Variants in FBXL7 observed in about 807,000 individuals in gnomAD.
FBXL7 encodes F-box/LRR-repeat protein 7.
Under a neutral mutation model 38.3 loss-of-function variants are expected in FBXL7, and 12 were observed. That is an observed-to-expected ratio of 0.31 (90% CI 0.20 to 0.51). FBXL7 has a LOEUF of 0.51. Ranked by LOEUF, FBXL7 falls within the 20% of genes least tolerant of loss-of-function variation. FBXL7 has a pLI of 0.98. For missense variants in FBXL7, 567 were observed against 676.4 expected (o/e 0.84, Z 1.79); for synonymous variants, 297 against 300.9 (o/e 0.99, Z 0.13).
chr5:15,733,414 A>G (rs1018242490), intron 2 of FBXL7, among the ~76,000 whole-genome samples: 3 of 152,212 alleles, frequency 2.0e-5, no homozygotes, highest in African/African-American at 4.8e-5. Context: ...ATGTGAACAC[A>G]ATTACAAGAA....
intron 2 of FBXL7, among the ~76,000 whole-genome samples, chr5:15,650,542 C>T (rs1741673070): frequency 6.6e-6 from 1 of 152,180 alleles, no homozygotes; most frequent in South Asian, 2.1e-4. Flanking sequence ...GTTGACTCTT[C>T]CTTTCAGGAA....
chr5:15,687,964 C>T (rs1176102227), intron 2 of FBXL7, among the ~76,000 whole-genome samples: 1 of 152,188 alleles, frequency 6.6e-6, no homozygotes, highest in African/African-American at 2.4e-5. Flanking sequence ...TGTGATGTAA[C>T]AGGCAGCGAC....
chr5:15,634,387 T>A (rs1364333273), intron 2 of FBXL7, among the ~76,000 whole-genome samples: 2 of 146,822 alleles, frequency 1.4e-5, no homozygotes, highest in African/African-American at 2.5e-5. Flanking sequence ...AGCAGTGCGA[T>A]CTCAGCTCAC....
At chr5:15,877,787 C>T (rs1740271190) in intron 2 of FBXL7, among the ~76,000 whole-genome samples, 1 of 152,088 alleles carries the variant, frequency 6.6e-6, no homozygotes, top group African/African-American at 2.4e-5. Context: ...GGTCTGATCA[C>T]CTGTTTGCTA....
chr5:15,775,261 TTTG>T (rs2126714994), intron 2 of FBXL7, among the ~76,000 whole-genome samples: 1 of 152,268 alleles, frequency 6.6e-6, no homozygotes, highest in East Asian at 1.9e-4. Flanking sequence ...AGTTGGGTTT[TTTG>T]TTATTTGCTG....
chr5:15,619,426 T>C (rs1561054891), intron 2 of FBXL7, among the ~76,000 whole-genome samples: 1 of 152,182 alleles, frequency 6.6e-6, no homozygotes, highest in Non-Finnish European at 1.5e-5. Context: ...TGCTCACGCC[T>C]ACCTAACTAC....
At chr5:15,692,589 T>C (rs762744914) in intron 2 of FBXL7, among the ~76,000 whole-genome samples, 11 of 152,172 alleles carry the variant, frequency 7.2e-5, no homozygotes, top group Non-Finnish European at 1.6e-4. Flanking sequence ...ATTCTGATGA[T>C]AGAGTTTTTA....
At chr5:15,617,012 T>C (rs2126520617) in intron 2 of FBXL7, among the ~76,000 whole-genome samples, 1 of 152,378 alleles carries the variant, frequency 6.6e-6, no homozygotes, top group South Asian at 2.1e-4. Context: ...GGTCATAATA[T>C]TGGGCATGTA....
At position 15,936,900 on chromosome 5, in the gene FBXL7, T is replaced by C; in HGVS notation, c.1190T>C (p.Leu397Pro). 6.2e-7 allele frequency: 1 copy of C among 1,614,006 alleles called. No homozygotes were observed. Among genetic ancestry groups the C allele is most frequent in the Non-Finnish European group, 8.5e-7 (1 of 1,179,886 alleles). Reference protein sequence around the residue: ...EGITDHGVEYLAKNCTKLKSL... With the variant: ...EGITDHGVEYPAKNCTKLKSL... ...ATCACGGACCACGGTGTGGAGTACC[T>C]CGCCAAGAACTGCACCAAACTCAAA... The change falls in exon 4 of 4, where the codon CTC (leucine) becomes CCC (proline). Residue 397 changes from leucine to proline, a missense_variant. Coordinates refer to ENST00000504595, the MANE Select transcript of FBXL7 (RefSeq NM_012304.5). The surrounding 1 kb of genome is among the most constrained non-coding windows in gnomAD (Gnocchi z 6.0).
At chr5:15,574,743 G>GC (rs918599320) in intron 1 of FBXL7, among the ~76,000 whole-genome samples, 3 of 152,172 alleles carry the variant, frequency 2.0e-5, no homozygotes, top group East Asian at 3.9e-4. Context: ...TGGGCTTTGG[G>GC]CTGGAGCGTT....
chr5:15,827,799 C>T lies in FBXL7; in HGVS notation c.128-100091C>T, dbSNP rs1053670082. 5.3e-5 allele frequency among the ~76,000 whole-genome samples: 8 copies of T among 152,304 alleles called. No homozygotes were observed. In the East Asian group the frequency reaches 9.6e-4, roughly 18 times the overall value. On this transcript the variant is annotated intron_variant, in intron 2 of 3. Coordinates refer to ENST00000504595, the MANE Select transcript of FBXL7 (RefSeq NM_012304.5). ...ACCATGGCTGCTACTAAGAGGCATG[C>T]GTTGCAGCCAGTTTATCTTGGAAGA...
At chr5:15,719,618 G>T in intron 2 of FBXL7, among the ~76,000 whole-genome samples, 1 of 149,026 alleles carries the variant, frequency 6.7e-6, no homozygotes, top group South Asian at 2.2e-4. Flanking sequence ...CAAATAGATT[G>T]AAACAAATTC....
chr5:15,807,825 T>G (rs1737756734), intron 2 of FBXL7, among the ~76,000 whole-genome samples: 1 of 152,096 alleles, frequency 6.6e-6, no homozygotes, highest in Admixed American at 6.6e-5. Flanking sequence ...CCAGAAGCAA[T>G]TCAGTGTTGA....
At chr5:15,545,287 T>C (rs1737867101) in intron 1 of FBXL7, among the ~76,000 whole-genome samples, 1 of 152,228 alleles carries the variant, frequency 6.6e-6, no homozygotes, top group Non-Finnish European at 1.5e-5. Context: ...ACTTTACTAG[T>C]TCTCCTAAGT....
chr5:15,682,746 T>C (rs1030225849), intron 2 of FBXL7, among the ~76,000 whole-genome samples: 1 of 152,206 alleles, frequency 6.6e-6, no homozygotes, highest in Non-Finnish European at 1.5e-5. Flanking sequence ...GAAAGCTGCT[T>C]ACAACTACAT....
At chr5:15,607,760 G>A (rs553918058) in intron 1 of FBXL7, among the ~76,000 whole-genome samples, 5 of 152,320 alleles carry the variant, frequency 3.3e-5, no homozygotes, top group African/African-American at 4.8e-5. Context: ...TGATTTCAGC[G>A]GCTCAGAATT....
chr5:15,624,602 C>G (rs1740749194), intron 2 of FBXL7, among the ~76,000 whole-genome samples: 1 of 152,112 alleles, frequency 6.6e-6, no homozygotes, highest in African/African-American at 2.4e-5. Context: ...CTGAAAGTGT[C>G]AAATCCTAGA....
intron 2 of FBXL7, among the ~76,000 whole-genome samples, chr5:15,629,725 C>G (rs1740937381): frequency 6.6e-6 from 1 of 152,102 alleles, no homozygotes. Flanking sequence ...CTCCGTATGC[C>G]TGGCGGCTAC....
At chr5:15,821,671 C>T (rs757587854) in intron 2 of FBXL7, among the ~76,000 whole-genome samples, 6 of 152,180 alleles carry the variant, frequency 3.9e-5, no homozygotes, top group Non-Finnish European at 7.3e-5. Flanking sequence ...GTCACCATAA[C>T]CACTATCCAT....
Sources: allele counts gnomAD v4.1 joint callset (sites outside exome capture counted in the v4.1 genomes callset), GRCh38; gene constraint gnomAD v4.1.1; non-coding constraint Gnocchi (gnomAD v3.1); transcripts MANE v1.5; gene names NCBI Gene and HGNC (gene_info 2026-07-23, HGNC 2026-07-21).